Variants in FSTL5 observed in about 807,000 individuals in gnomAD.
FSTL5 encodes follistatin like 5.
A neutral mutation model predicts 89.1 loss-of-function variants in FSTL5; 62 were observed. The observed-to-expected ratio is 0.70, with a 90% CI of 0.57 to 0.86. The LOEUF is 0.86. Among genes scored for constraint, FSTL5 ranks in the 40% least tolerant of loss-of-function variants. The probability of loss-of-function intolerance (pLI) is 0.00; values close to 1 mark genes in which losing one functional copy is unlikely to be tolerated. For missense variants in FSTL5, 1,057 were observed against 1,001.6 expected (o/e 1.06, Z -0.75); for synonymous variants, 383 against 346.2 (o/e 1.11, Z -1.18).
intron 15 of FSTL5, among the ~76,000 whole-genome samples, chr4:161,415,451 C>T (rs1731739576): frequency 6.6e-6 from 1 of 151,980 alleles, no homozygotes; most frequent in Admixed American, 6.6e-5. Flanking sequence ...GATGGTGTTT[C>T]ACCATGTTGG....
intron 6 of FSTL5, among the ~76,000 whole-genome samples, chr4:161,730,384 T>G (rs1434077932): frequency 6.6e-6 from 1 of 152,124 alleles, no homozygotes; most frequent in Non-Finnish European, 1.5e-5. Flanking sequence ...GTATTCTTAT[T>G]TAATTGAAAA....
chr4:161,568,503 C>A (rs1028407976), intron 8 of FSTL5, among the ~76,000 whole-genome samples: 4 of 152,132 alleles, frequency 2.6e-5, no homozygotes, highest in Admixed American at 2.0e-4. Context: ...TTAAGCTTTA[C>A]TAAATATGGC....
intron 2 of FSTL5, 143 bp downstream of exon 2, chr4:162,111,128 A>G: frequency 1.6e-6 from 1 of 639,424 alleles, no homozygotes; most frequent in East Asian, 2.9e-5. Flanking sequence ...TCATGTATTA[A>G]AATGTGCATT....
intron 2 of FSTL5, among the ~76,000 whole-genome samples, chr4:162,080,677 A>C (rs1730057665): frequency 6.6e-6 from 1 of 151,650 alleles, no homozygotes; most frequent in Non-Finnish European, 1.5e-5. Context: ...TGTCTCTAAA[A>C]TGTTGCTTTT....
intron 10 of FSTL5, among the ~76,000 whole-genome samples, chr4:161,534,870 C>G (rs1731540283): frequency 1.3e-5 from 2 of 152,036 alleles, no homozygotes; most frequent in African/African-American, 4.8e-5. Flanking sequence ...GGTATAAAAA[C>G]AGACACATAG....
intron 2 of FSTL5, among the ~76,000 whole-genome samples, chr4:162,093,925 T>C (rs1331868212): frequency 6.6e-6 from 1 of 152,184 alleles, no homozygotes; most frequent in Non-Finnish European, 1.5e-5. Flanking sequence ...AATCATTCTG[T>C]GTCTTGTTCA....
At chr4:161,627,179 T>C (rs1180709605) in intron 7 of FSTL5, among the ~76,000 whole-genome samples, 1 of 152,168 alleles carries the variant, frequency 6.6e-6, no homozygotes, top group Non-Finnish European at 1.5e-5. Context: ...AAAGAGTCGA[T>C]TGATGCAGCA....
chr4:161,815,021 A>C (rs1346274760), intron 4 of FSTL5, among the ~76,000 whole-genome samples: 3 of 152,094 alleles, frequency 2.0e-5, no homozygotes, highest in Admixed American at 2.0e-4. Flanking sequence ...GCAGATACTC[A>C]TTGCCATCAT....
At chr4:161,742,115 A>T (rs1740049763) in intron 6 of FSTL5, among the ~76,000 whole-genome samples, 1 of 152,126 alleles carries the variant, frequency 6.6e-6, no homozygotes, top group Admixed American at 6.5e-5. Context: ...GTGAGTAAAA[A>T]AAAAGAAAAA....
chr4:161,742,926 GA>G lies in FSTL5; in HGVS notation c.727+16484del, dbSNP rs576272795. Among the ~76,000 whole-genome samples, 271 of 150,662 alleles carry G rather than the reference GA, an allele frequency of 1.8e-3. 1 individual carries two copies. Among genetic ancestry groups the G allele is most frequent in the Middle Eastern group, 0.017 (5 of 288 alleles). On this transcript the variant is annotated intron_variant, in intron 6 of 15. Transcript: ENST00000306100. Reference sequence around the variant, plus strand: ...AAAATGCAGATATTCGTATATCTTTGAAAAAAAAATCTATCCAACTACCTTG... The same window carrying G: ...AAAATGCAGATATTCGTATATCTTTGAAAAAAAATCTATCCAACTACCTTG...
intron 7 of FSTL5, among the ~76,000 whole-genome samples, chr4:161,606,750 G>A (rs1734459776): frequency 6.6e-6 from 1 of 152,026 alleles, no homozygotes; most frequent in African/African-American, 2.4e-5. Flanking sequence ...AATATAAGAT[G>A]GTCAATTGGA....
chr4:161,850,621 A>T (rs2126880327), intron 4 of FSTL5, among the ~76,000 whole-genome samples: 2 of 152,306 alleles, frequency 1.3e-5, no homozygotes, highest in South Asian at 4.1e-4. Context: ...CTAGATAACA[A>T]AAAGGAATTG....
chr4:161,985,139 T>G (rs1004525888), intron 3 of FSTL5, among the ~76,000 whole-genome samples: 4 of 151,992 alleles, frequency 2.6e-5, no homozygotes, highest in African/African-American at 9.7e-5. Flanking sequence ...ATATTTTTAG[T>G]GAAGGTGGGA....
At position 161,829,982 on chromosome 4, in the gene FSTL5, T is replaced by C. The variant is rs758194403; in HGVS notation, c.410-53908A>G. On this transcript the variant is annotated intron_variant, in intron 4 of 15. Coordinates refer to ENST00000306100, the MANE Select transcript of FSTL5 (RefSeq NM_020116.5). Reference sequence around the variant, plus strand: ...AATCAGAACCATTTTTTGAGATGTATATACTAGAATGCAAAGATCCAACAG... The same window carrying C: ...AATCAGAACCATTTTTTGAGATGTACATACTAGAATGCAAAGATCCAACAG... Among the ~76,000 whole-genome samples, 38 of 152,080 alleles carry C rather than the reference T, an allele frequency of 2.5e-4. 1 individual carries two copies. The highest frequency in any genetic ancestry group is 4.3e-4 in the Non-Finnish European group (29 of 67,960).
intron 2 of FSTL5, among the ~76,000 whole-genome samples, chr4:162,100,975 T>C (rs1414151430): frequency 6.6e-6 from 1 of 152,184 alleles, no homozygotes; most frequent in East Asian, 1.9e-4. Flanking sequence ...TGTTGGGTGC[T>C]TCTACTTACT....
intron 7 of FSTL5, among the ~76,000 whole-genome samples, chr4:161,652,737 T>C (rs1392465390): frequency 6.6e-6 from 1 of 152,148 alleles, no homozygotes; most frequent in African/African-American, 2.4e-5. Flanking sequence ...ATCTATATTA[T>C]TGTAATTGTT....
At chr4:162,111,457 T>C in intron 1 of FSTL5, 45 bp from the exon 2 acceptor site, 1 of 1,414,180 alleles carries the variant, frequency 7.1e-7, no homozygotes, top group South Asian at 1.3e-5. Context: ...ATGAATTATA[T>C]ATTAAAAAAC....
intron 7 of FSTL5, among the ~76,000 whole-genome samples, chr4:161,617,706 C>T (rs1205925049): frequency 6.6e-6 from 1 of 151,988 alleles, no homozygotes; most frequent in Non-Finnish European, 1.5e-5. Flanking sequence ...ACAAAAAAGA[C>T]CTGAGAATGA....
intron 4 of FSTL5, among the ~76,000 whole-genome samples, chr4:161,906,592 C>T (rs143946379): frequency 1.6e-3 from 243 of 152,148 alleles, no homozygotes; most frequent in African/African-American, 5.6e-3. Context: ...GTCTCAAAGA[C>T]GGATGAAATG....
Sources: gnomAD v4.1 joint callset for allele counts (sites outside exome capture counted in the v4.1 genomes callset) on GRCh38, gnomAD v4.1.1 for gene constraint, MANE v1.5 for transcripts, NCBI Gene and HGNC (gene_info 2026-07-23, HGNC 2026-07-21) for gene names.